Variants in RGS7 observed in about 807,000 individuals in gnomAD.
RGS7 encodes regulator of G protein signaling 7.
Under a neutral mutation model 81.1 loss-of-function variants are expected in RGS7, and 27 were observed. That is an observed-to-expected ratio of 0.33 (90% CI 0.25 to 0.46). The LOEUF (loss-of-function observed/expected upper bound fraction) is 0.46, where lower values mean the gene tolerates loss of function less well. Among genes scored for constraint, RGS7 ranks in the 20% least tolerant of loss-of-function variants. RGS7 has a pLI of 1.00. For missense variants in RGS7, 396 were observed against 607.4 expected, an observed-to-expected ratio of 0.65 and a Z score of 3.66; for synonymous variants, 208 against 207.7, an observed-to-expected ratio of 1.00 and a Z score of -0.01.
chr1:240,806,892 G>A (rs533362246), intron 14 of RGS7, among the ~76,000 whole-genome samples: 1 of 152,186 alleles, frequency 6.6e-6, no homozygotes, highest in African/African-American at 2.4e-5. Context: ...AGTTAAAAGA[G>A]GCCTGGACAT....
intron 2 of RGS7, chr1:241,305,979 A>G (rs2080086603): frequency 6.4e-6 from 1 of 156,492 alleles, no homozygotes. Flanking sequence ...ACTTTCTCTA[A>G]AGTAGAGAGT....
chr1:240,782,408 A>T (rs942900029), intron 18 of RGS7, among the ~76,000 whole-genome samples: 1 of 152,130 alleles, frequency 6.6e-6, no homozygotes, highest in Non-Finnish European at 1.5e-5. Flanking sequence ...GAATCTGAGA[A>T]ATGGTTTTTA....
intron 2 of RGS7, among the ~76,000 whole-genome samples, chr1:241,246,433 A>G (rs1461255022): frequency 6.6e-6 from 1 of 152,148 alleles, no homozygotes; most frequent in African/African-American, 2.4e-5. Context: ...GTAGAAGGTA[A>G]AATTCCTTCC....
intron 9 of RGS7, among the ~76,000 whole-genome samples, chr1:240,865,454 C>T (rs1353345524): frequency 6.6e-6 from 1 of 152,206 alleles, no homozygotes; most frequent in Non-Finnish European, 1.5e-5. Context: ...TGGGATTCTA[C>T]GTTGCTCAGG....
chr1:241,106,748 A>ACCC, intron 2 of RGS7, among the ~76,000 whole-genome samples: 3 of 112,266 alleles, frequency 2.7e-5, no homozygotes, highest in African/African-American at 4.9e-5. Context: ...AACCAACACC[A>ACCC]CCACCACACA....
chr1:241,225,804 A>T (rs536893698), intron 2 of RGS7, among the ~76,000 whole-genome samples: 10 of 152,334 alleles, frequency 6.6e-5, no homozygotes, highest in African/African-American at 2.4e-4. Context: ...GTCCAGCCTG[A>T]GCTAGATATA....
chr1:241,106,926 C>A lies in RGS7; in HGVS notation c.79-8164G>T, dbSNP rs373763684. Among the ~76,000 whole-genome samples, 5 of 150,342 alleles carry A rather than the reference C, an allele frequency of 3.3e-5. No homozygotes were observed. In the East Asian group the frequency reaches 9.7e-4, roughly 29 times the overall value. ...TTTTTTTTAAATAAATCATTTCTCT[C>A]ATTCATCTCAAGGAATATAACCTCC... is the stretch of plus-strand genomic sequence containing the variant. On this transcript the variant is annotated intron_variant, in intron 2 of 18. Transcript: ENST00000440928.
chr1:241,162,084 T>G (rs1209112025), intron 2 of RGS7, among the ~76,000 whole-genome samples: 1 of 151,872 alleles, frequency 6.6e-6, no homozygotes, highest in Non-Finnish European at 1.5e-5. Context: ...CCCCAACCCC[T>G]CCCCAGGAAT....
In RGS7 at chr1:241,343,554, GGAAATAAGCCAGTCACATATAATACAAGT is replaced by G. The variant is rs1206201681; in HGVS notation, c.78+12116_78+12144del. ...ATGAACCTTGAGGACGTTATGCTAT[GGAAATAAGCCAGTCACATATAATACAAGT>G]GAAATAAGCCAGTCAAAAAAGAATA... On this transcript the variant is annotated intron_variant, in intron 2 of 18. Coordinates refer to ENST00000440928, the MANE Select transcript of RGS7 (RefSeq NM_001364886.1). Among the ~76,000 whole-genome samples, 7 of 152,270 alleles carry G rather than the reference GGAAATAAGCCAGTCACATATAATACAAGT, an allele frequency of 4.6e-5. No individual in the cohort carries two copies. In the South Asian group the frequency reaches 1.5e-3, roughly 32 times the overall value.
At chr1:241,161,424 TTAATAA>T (rs949821496) in intron 2 of RGS7, among the ~76,000 whole-genome samples, 2 of 150,852 alleles carry the variant, frequency 1.3e-5, no homozygotes, top group Non-Finnish European at 2.9e-5. Flanking sequence ...TAATAACACA[TTAATAA>T]TAATAACTAA....
chr1:240,970,753 G>T (rs1395175825), intron 4 of RGS7, among the ~76,000 whole-genome samples: 3 of 152,160 alleles, frequency 2.0e-5, no homozygotes, highest in Non-Finnish European at 4.4e-5. Flanking sequence ...GGGAGGCCAT[G>T]GCAGGTGGAT....
intron 2 of RGS7, among the ~76,000 whole-genome samples, chr1:241,109,769 C>G (rs1368266301): frequency 6.6e-6 from 1 of 151,896 alleles, no homozygotes; most frequent in Non-Finnish European, 1.5e-5. Context: ...ACCAGCCTGA[C>G]GAACATGGTG....
chr1:241,092,124 T>C (rs1273531221), intron 3 of RGS7, among the ~76,000 whole-genome samples: 2 of 152,206 alleles, frequency 1.3e-5, no homozygotes, highest in Non-Finnish European at 2.9e-5. Flanking sequence ...ATGTATTTTC[T>C]AGAATACAGC....
chr1:240,880,864 A>G (rs1303875929), intron 6 of RGS7, among the ~76,000 whole-genome samples: 1 of 151,346 alleles, frequency 6.6e-6, no homozygotes, highest in African/African-American at 2.4e-5. Context: ...TCTAATTTCC[A>G]CTCTGTGCTA....
At chr1:241,237,760 C>T (rs548881420) in intron 2 of RGS7, among the ~76,000 whole-genome samples, 26 of 152,056 alleles carry the variant, frequency 1.7e-4, no homozygotes, top group Non-Finnish European at 3.2e-4. Context: ...ATATTGCCTT[C>T]GAGGAAAGGT....
At chr1:240,885,602 T>C (rs1667214744) in intron 6 of RGS7, among the ~76,000 whole-genome samples, 1 of 152,162 alleles carries the variant, frequency 6.6e-6, no homozygotes. Flanking sequence ...TGAGGGAACA[T>C]GGATGGAGCT....
At chr1:241,309,074 G>A (rs2080343780) in intron 2 of RGS7, among the ~76,000 whole-genome samples, 1 of 152,066 alleles carries the variant, frequency 6.6e-6, no homozygotes. Context: ...TTCAAGGAAT[G>A]CAAGTCATCT....
intron 2 of RGS7, among the ~76,000 whole-genome samples, chr1:241,130,179 A>G (rs2103034503): frequency 6.6e-6 from 1 of 152,284 alleles, no homozygotes; most frequent in African/African-American, 2.4e-5. Context: ...AAAAAGGAGA[A>G]AAAAATGGAA....
intron 2 of RGS7, among the ~76,000 whole-genome samples, chr1:241,175,713 TC>T (rs1470799790): frequency 6.6e-6 from 1 of 152,122 alleles, no homozygotes; most frequent in East Asian, 1.9e-4. Context: ...CAGCTGTCAC[TC>T]AGAGTTAAAC....
Sources: allele counts gnomAD v4.1 joint callset (sites outside exome capture counted in the v4.1 genomes callset), GRCh38; gene constraint gnomAD v4.1.1; transcripts MANE v1.5; gene names NCBI Gene and HGNC (gene_info 2026-07-23, HGNC 2026-07-21).